CEP112: variants seen among roughly 807,000 people sequenced by gnomAD.
CEP112 encodes centrosomal protein 112, also known as centrosomal protein of 112 kDa.
CEP112 carries 127 observed loss-of-function variants against 153.0 expected under a neutral mutation model. That is an observed-to-expected ratio of 0.83 (90% CI 0.72 to 0.96). The LOEUF is 0.96. Among genes scored for constraint, CEP112 ranks in the 40% least tolerant of loss-of-function variants. The pLI, the probability that CEP112 is intolerant of heterozygous loss-of-function variation, is 0.00. For missense variants in CEP112, 1,089 were observed against 1,101.2 expected (o/e 0.99, Z 0.16); for synonymous variants, 358 against 374.4 (o/e 0.96, Z 0.51).
intron 16 of CEP112, among the ~76,000 whole-genome samples, chr17:66,017,332 A>C (rs2064814250): frequency 6.6e-6 from 1 of 152,180 alleles, no homozygotes; most frequent in African/African-American, 2.4e-5. Flanking sequence ...TATTGCTTCT[A>C]AAATTATTAG....
chr17:65,883,292 T>A (rs755679104), intron 20 of CEP112, among the ~76,000 whole-genome samples: 4 of 150,826 alleles, frequency 2.7e-5, no homozygotes, highest in Non-Finnish European at 5.9e-5. Flanking sequence ...GAAGTGTATA[T>A]ATATATACAC....
intron 24 of CEP112, among the ~76,000 whole-genome samples, chr17:65,684,454 A>G (rs759635785): frequency 3.2e-4 from 49 of 152,354 alleles, no homozygotes; most frequent in Admixed American, 1.2e-3. Flanking sequence ...ACAGATTGGT[A>G]TGTTAGAATC....
At chr17:65,883,878 G>T (rs1196219927) in intron 20 of CEP112, among the ~76,000 whole-genome samples, 1 of 152,164 alleles carries the variant, frequency 6.6e-6, no homozygotes, top group Non-Finnish European at 1.5e-5. Flanking sequence ...CAATTTGGGG[G>T]ACTGAATCTA....
At chr17:66,017,359 T>C (rs1383302669) in intron 16 of CEP112, among the ~76,000 whole-genome samples, 1 of 152,168 alleles carries the variant, frequency 6.6e-6, no homozygotes, top group Non-Finnish European at 1.5e-5. Context: ...ATTATCTGGG[T>C]GGGAAAATAA....
intron 18 of CEP112, among the ~76,000 whole-genome samples, chr17:65,952,626 C>T (rs2061873082): frequency 1.3e-5 from 2 of 151,972 alleles, no homozygotes; most frequent in Non-Finnish European, 2.9e-5. Flanking sequence ...TTGGTAAATA[C>T]ATAGGAATGG....
chr17:65,746,381 A>G (rs2145200607), intron 22 of CEP112, among the ~76,000 whole-genome samples: 1 of 152,262 alleles, frequency 6.6e-6, no homozygotes, highest in Admixed American at 6.5e-5. Flanking sequence ...AAGGCGATAT[A>G]AGGGGCAGAA....
chr17:65,687,325 C>T (rs993869890), intron 24 of CEP112, among the ~76,000 whole-genome samples: 9 of 151,798 alleles, frequency 5.9e-5, no homozygotes, highest in South Asian at 2.1e-4. Context: ...TGCCACCACG[C>T]CCAGCTAATT....
chr17:65,858,695 A>T (rs1163888865), intron 20 of CEP112, among the ~76,000 whole-genome samples: 8 of 152,192 alleles, frequency 5.3e-5, no homozygotes, highest in South Asian at 2.1e-4. Context: ...CTTCATTAAC[A>T]ATTAACCGTT....
chr17:65,776,117 C>CA (rs2053660666), intron 21 of CEP112, among the ~76,000 whole-genome samples: 1 of 152,216 alleles, frequency 6.6e-6, no homozygotes, highest in African/African-American at 2.4e-5. Flanking sequence ...TTCACAATGT[C>CA]AAGCCGTGGC....
chr17:65,880,982 CAAG>C (rs2059043705), intron 20 of CEP112, among the ~76,000 whole-genome samples: 1 of 152,040 alleles, frequency 6.6e-6, no homozygotes, highest in South Asian at 2.1e-4. Context: ...TTTGGGAGGT[CAAG>C]GAGGGCAGAT....
At chr17:66,052,559 C>T (rs1338414765) in intron 12 of CEP112, among the ~76,000 whole-genome samples, 2 of 152,102 alleles carry the variant, frequency 1.3e-5, no homozygotes, top group African/African-American at 4.8e-5. Flanking sequence ...TCATCCTGAC[C>T]AGTGTCACAG....
chr17:65,781,281 C>A (rs537945448), intron 21 of CEP112, among the ~76,000 whole-genome samples: 2 of 152,080 alleles, frequency 1.3e-5, no homozygotes, highest in Admixed American at 6.5e-5. Context: ...TACATACTCA[C>A]AAAAATAGGA....
At chr17:65,727,363 C>T (rs1362832167) in intron 23 of CEP112, among the ~76,000 whole-genome samples, 2 of 152,108 alleles carry the variant, frequency 1.3e-5, no homozygotes, top group Non-Finnish European at 2.9e-5. Context: ...TTTCCAAACC[C>T]TCTTTGTAAG....
At chr17:66,053,995 C>A in intron 11 of CEP112, 116 bp from the exon 12 acceptor site, 2 of 646,172 alleles carry the variant, frequency 3.1e-6, no homozygotes, top group Non-Finnish European at 4.8e-6. Context: ...GACCTGAACA[C>A]CAAAAGATAC....
At chr17:65,719,690 G>A (rs907774011) in intron 23 of CEP112, among the ~76,000 whole-genome samples, 1 of 152,180 alleles carries the variant, frequency 6.6e-6, no homozygotes, top group Non-Finnish European at 1.5e-5. Flanking sequence ...GTAGGAGTTG[G>A]CCAGAAGAAG....
At chr17:65,777,570 G>A (rs1315064428) in intron 21 of CEP112, among the ~76,000 whole-genome samples, 1 of 152,002 alleles carries the variant, frequency 6.6e-6, no homozygotes, top group Non-Finnish European at 1.5e-5. Context: ...TACACACCAA[G>A]GCCAGTGATC....
At chr17:65,937,434 G>T (rs1304377883) in intron 18 of CEP112, among the ~76,000 whole-genome samples, 1 of 106,648 alleles carries the variant, frequency 9.4e-6, no homozygotes, top group East Asian at 9.4e-4. Flanking sequence ...CCACCGCCCC[G>T]TCTGGGAGGT....
chr17:66,076,910 G>A (rs967486406), intron 8 of CEP112, among the ~76,000 whole-genome samples: 3 of 152,158 alleles, frequency 2.0e-5, no homozygotes, highest in African/African-American at 7.2e-5. Flanking sequence ...TACCAGCCCG[G>A]AGCCAGGTAG....
chr17:66,149,880 G>GTTTTTTTTTTTT (rs1568549274), intron 4 of CEP112, among the ~76,000 whole-genome samples: 9 of 60,738 alleles, frequency 1.5e-4, no homozygotes, highest in Non-Finnish European at 2.1e-4. Flanking sequence ...TTTTTTTTTT[G>GTTTTTTTTTTTT]TTTGTTTGTT....
Sources: gnomAD v4.1 joint callset for allele counts (sites outside exome capture counted in the v4.1 genomes callset) on GRCh38, gnomAD v4.1.1 for gene constraint, MANE v1.5 for transcripts, NCBI Gene and HGNC (gene_info 2026-07-23, HGNC 2026-07-21) for gene names.